The following RPRD2 variants were observed in gnomAD, a reference collection of about 807,000 sequenced individuals.
The protein encoded by RPRD2 is regulation of nuclear pre-mRNA domain containing 2, also known as regulation of nuclear pre-mRNA domain-containing protein 2.
In RPRD2, 12 loss-of-function variants were observed where a neutral mutation model predicts 104.4. The observed-to-expected ratio is 0.11, with a 90% CI of 0.07 to 0.19. RPRD2 has a LOEUF of 0.19. RPRD2 is among the 10% of genes least tolerant of loss of function. RPRD2 has a pLI of 1.00. For missense variants in RPRD2, 1,543 were observed against 1,790.1 expected, an observed-to-expected ratio of 0.86 and a Z score of 2.49; for synonymous variants, 714 against 684.9, an observed-to-expected ratio of 1.04 and a Z score of -0.66.
At chr1:150,385,333 C>T (rs587678023) in intron 1 of RPRD2, among the ~76,000 whole-genome samples, 16 of 151,966 alleles carry the variant, frequency 1.1e-4, no homozygotes, top group African/African-American at 3.6e-4. Context: ...AAAAATTAGT[C>T]GGGCGTGGTG....
intron 1 of RPRD2, among the ~76,000 whole-genome samples, chr1:150,400,885 T>TA (rs1553885207): frequency 3.6e-4 from 53 of 148,602 alleles, no homozygotes; most frequent in East Asian, 2.1e-3. Context: ...TTTTTTTTTT[T>TA]AAAAAAAAGA....
chr1:150,373,818 G>A (rs1660509047), intron 1 of RPRD2, among the ~76,000 whole-genome samples: 1 of 152,132 alleles, frequency 6.6e-6, no homozygotes, highest in Non-Finnish European at 1.5e-5. Context: ...TTAGAGCCAG[G>A]AAGCTGGAAG....
At position 150,383,406 on chromosome 1, in the gene RPRD2, T is replaced by C. The variant is rs1572362948; in HGVS notation, c.205+18487T>C. On this transcript the variant is annotated intron_variant, in intron 1 of 10. Coordinates refer to ENST00000369068, the MANE Select transcript of RPRD2 (RefSeq NM_015203.5). The stretch of plus-strand genomic sequence containing the variant: ...CTTGGCTCACTGCAACCTCCACCTC[T>C]CAGGTTCAAGCGATTCTCCTGCCTC... 2.7e-5 allele frequency among the ~76,000 whole-genome samples: 4 copies of C among 147,242 alleles called. No individual in the cohort carries two copies. In the South Asian group the frequency reaches 9.0e-4, roughly 33 times the overall value.
chr1:150,395,417 C>T (rs1553884017), intron 1 of RPRD2, among the ~76,000 whole-genome samples: 1 of 138,220 alleles, frequency 7.2e-6, no homozygotes, highest in Non-Finnish European at 1.5e-5. Flanking sequence ...ATCACAGCAC[C>T]ACAGTTTCTT....
intron 2 of RPRD2, among the ~76,000 whole-genome samples, chr1:150,422,936 C>G (rs1664866510): frequency 6.6e-6 from 1 of 152,154 alleles, no homozygotes; most frequent in East Asian, 1.9e-4. Flanking sequence ...TTCTCCAGTA[C>G]TTATCCAGTT....
In RPRD2 at chr1:150,411,788, CAAAA is replaced by C. The variant is rs71086508; in HGVS notation, c.206-5783_206-5780del. On this transcript the variant is annotated intron_variant, in intron 1 of 10. Coordinates refer to ENST00000369068, the MANE Select transcript of RPRD2 (RefSeq NM_015203.5). ...CCTGGACGACAGAGCTAGACTGTCT[CAAAA>C]AAAAAAAAAAAAAAAAAAAAAAAAC... is the stretch of plus-strand genomic sequence containing the variant. Among the ~76,000 whole-genome samples the C allele has an allele frequency of 7.1e-5, 5 of 70,722 alleles. No individual in the cohort carries two copies. The East Asian group carries it at 2.0e-3, about 28-fold the overall frequency. The allele number at this position is 70,722 out of a possible 152,430, so 46.4% of individuals were successfully genotyped here. A position where few individuals can be genotyped will look rare whatever the true frequency, so the allele number is the denominator to read the frequency against.
chr1:150,403,407 C>G (rs1234440498), intron 1 of RPRD2, among the ~76,000 whole-genome samples: 1 of 152,040 alleles, frequency 6.6e-6, no homozygotes, highest in Non-Finnish European at 1.5e-5. Flanking sequence ...ACGCATATAC[C>G]CATTAAACAA....
chr1:150,472,885 G>C lies in RPRD2; in HGVS notation c.3937G>C (p.Ala1313Pro). 1.2e-6 allele frequency: 2 copies of C among 1,613,250 alleles called. No individual in the cohort carries two copies. Among genetic ancestry groups the C allele is most frequent in the Non-Finnish European group, 1.7e-6 (2 of 1,179,538 alleles). The part of the protein sequence containing the change: ...GVVPFPAPPL[A>P]EHGVAGAVAV... ...TGTACCCTTCCCAGCCCCACCACTG[G>C]CAGAGCACGGAGTGGCAGGGGCTGT... Residue 1313 changes from alanine to proline, a missense_variant, in exon 11 of 11, where the codon GCA becomes CCA. Ala to Pro is a conservative substitution (Grantham distance 27). Coordinates refer to ENST00000369068, the MANE Select transcript of RPRD2 (RefSeq NM_015203.5).
chr1:150,438,854 T>A (rs909593286), intron 2 of RPRD2, among the ~76,000 whole-genome samples: 4 of 151,738 alleles, frequency 2.6e-5, no homozygotes, highest in Admixed American at 1.3e-4. Flanking sequence ...TTTTTTTTTT[T>A]AAACGGAGTC....
intron 2 of RPRD2, among the ~76,000 whole-genome samples, chr1:150,436,971 C>T (rs1207190823): frequency 2.0e-5 from 3 of 152,108 alleles, no homozygotes; most frequent in Non-Finnish European, 4.4e-5. Flanking sequence ...TTTGGAAGTC[C>T]GAGATGGGAA....
In RPRD2 at chr1:150,471,824, A is replaced by G; in HGVS notation, c.2876A>G (p.Gln959Arg). 1 of 1,613,980 alleles carries G rather than the reference A, an allele frequency of 6.2e-7. No individual in the cohort carries two copies. Residue 959 changes from glutamine to arginine, a missense_variant, in exon 11 of 11, where the codon CAG becomes CGG. Physicochemically the swap from Gln to Arg is conservative, Grantham distance 43. Around this residue, in one of 4 missense-constraint regions of RPRD2, gnomAD observed 880 missense variants for 885.6 expected, o/e 0.99. Transcript: ENST00000369068. The surrounding 1 kb of genome is among the most constrained non-coding windows in gnomAD (Gnocchi z 5.3). ...QSTTGHLSLP[Q>R]KQYPDSPHPV... ...ACCACTGGGCATCTCAGTTTGCCAC[A>G]GAAGCAGTACCCAGACTCTCCTCAC...
chr1:150,472,205 A>T lies in RPRD2; in HGVS notation c.3257A>T (p.Glu1086Val). The stretch of plus-strand genomic sequence containing the variant: ...ACAGAAGAAAAGGGGGCCCCTATAG[A>T]AACCTTGGGTTATCACAGTGCATCC... Reference protein sequence around the residue: ...DSTEEKGAPIETLGYHSASNR... With the variant: ...DSTEEKGAPIVTLGYHSASNR... The change falls in exon 11 of 11, where the codon GAA (glutamate) becomes GTA (valine). Residue 1086 changes from glutamate to valine, a missense_variant. Glu to Val is a moderately radical substitution (Grantham distance 121). Coordinates refer to ENST00000369068, the MANE Select transcript of RPRD2 (RefSeq NM_015203.5). 1 of 1,613,900 alleles carries T rather than the reference A, an allele frequency of 6.2e-7. No individual in the cohort carries two copies. The highest frequency in any genetic ancestry group is 8.5e-7 in the Non-Finnish European group (1 of 1,179,868).
intron 1 of RPRD2, among the ~76,000 whole-genome samples, chr1:150,384,450 C>CATCATCATCATTATTATT (rs1553881396): frequency 2.3e-5 from 3 of 132,356 alleles, no homozygotes; most frequent in African/African-American, 3.3e-5. Context: ...GCATCATCAT[C>CATCATCATCATTATTATT]ATTATTATTA....
rs10524632 is a variant in RPRD2, at chr1:150,395,365, T to TTGTGTGTGTGTGTGTGTG, written c.206-22213_206-22196dup. On this transcript the variant is annotated intron_variant, in intron 1 of 10. Transcript: ENST00000369068. ...CTTTTCATGGCTGAGTAGTATTCCA[T>TTGTGTGTGTGTGTGTGTG]TGTGTGTGTGTGTGTGTGTGTGTGT... Among the ~76,000 whole-genome samples, 676 of 144,148 alleles carry TTGTGTGTGTGTGTGTGTG rather than the reference T, an allele frequency of 4.7e-3. 7 individuals are homozygous for TTGTGTGTGTGTGTGTGTG. The highest frequency in any genetic ancestry group is 0.014 in the African/African-American group (524 of 38,128). 94.6% of individuals were successfully genotyped at this position (144,148 alleles called of 152,430 possible). A position where few individuals can be genotyped will look rare whatever the true frequency, so the allele number is the denominator to read the frequency against.
rs1560235431 is a variant in RPRD2 at position 150,474,954 on chromosome 1, A to G, written c.*1620A>G. The G allele has an allele frequency of 6.6e-6, 1 of 152,112 alleles. No individual in the cohort carries two copies. The highest frequency in any genetic ancestry group is 1.5e-5 in the Non-Finnish European group (1 of 68,034). The allele number at this position is 152,112 out of a possible 1,614,324, so 9.4% of individuals were successfully genotyped here. ...ACTTTTCAGAGAAAGAGCAGCATAA[A>G]CCAGGTGCACATCATGATTTGGGAG... On this transcript the variant is annotated 3_prime_UTR_variant, in exon 11 of 11. Coordinates refer to ENST00000369068, the MANE Select transcript of RPRD2 (RefSeq NM_015203.5).
chr1:150,396,892 GAC>G (rs1553884324), intron 1 of RPRD2, among the ~76,000 whole-genome samples: 1 of 151,978 alleles, frequency 6.6e-6, no homozygotes, highest in African/African-American at 2.4e-5. Context: ...TCTCAAACGA[GAC>G]ACACTATGCT....
chr1:150,421,259 AT>A lies in RPRD2; in HGVS notation c.335+3537del, dbSNP rs1213624424. Among the ~76,000 whole-genome samples, 3 of 152,226 alleles carry A rather than the reference AT, an allele frequency of 2.0e-5. No homozygotes were observed. In the East Asian group the frequency reaches 5.8e-4, roughly 29 times the overall value. ...TTTTAAACTGTAATTAGGAAGAAAG[AT>A]TTATCTTGCAAGACAAAAAATAAAA... On this transcript the variant is annotated intron_variant, in intron 2 of 10. Transcript: ENST00000369068.
At position 150,471,884 on chromosome 1, in the gene RPRD2, A is replaced by G. The variant is rs781215104; in HGVS notation, c.2936A>G (p.Asn979Ser). Residue 979 changes from asparagine (N) to serine (S), a missense_variant, in exon 11 of 11, where the codon AAC becomes AGC. Physicochemically the swap from Asn to Ser is conservative, Grantham distance 46. Coordinates refer to ENST00000369068, the MANE Select transcript of RPRD2 (RefSeq NM_015203.5). The surrounding 1 kb of genome is among the most constrained non-coding windows in gnomAD (Gnocchi z 5.3). Reference sequence around the variant, plus strand: ...CATCGTTCCCTTTTCTCTCCGCAGAACACCCTTGCCGCTCCCACGGGTCAC... The same window carrying G: ...CATCGTTCCCTTTTCTCTCCGCAGAGCACCCTTGCCGCTCCCACGGGTCAC... Reference protein sequence around the residue: ...VPHRSLFSPQNTLAAPTGHPP... With the variant: ...VPHRSLFSPQSTLAAPTGHPP... 1.2e-6 allele frequency: 2 copies of G among 1,613,898 alleles called. No individual in the cohort carries two copies. The highest frequency in any genetic ancestry group is 2.7e-5 in the African/African-American group (2 of 75,012).
chr1:150,374,268 T>C (rs587595740), intron 1 of RPRD2, among the ~76,000 whole-genome samples: 12 of 152,284 alleles, frequency 7.9e-5, no homozygotes, highest in African/African-American at 2.9e-4. Flanking sequence ...GCAAAACATA[T>C]GGAGGTTCCT....
Sources: gnomAD v4.1 joint callset for allele counts (sites outside exome capture counted in the v4.1 genomes callset) on GRCh38, gnomAD v4.1.1 for gene constraint, gnomAD v4.1.1 regional missense constraint, Gnocchi (gnomAD v3.1) non-coding constraint, MANE v1.5 for transcripts, NCBI Gene and HGNC (gene_info 2026-07-23, HGNC 2026-07-21) for gene names.